The following WWOX variants were observed in gnomAD, a reference collection of about 807,000 sequenced individuals.
WWOX encodes the protein WW domain-containing oxidoreductase.
In WWOX, 69 loss-of-function variants were observed where a neutral mutation model predicts 46.2. The ratio of observed to expected loss-of-function variants is 1.49; its 90% CI spans 1.23 to 1.82. WWOX has a LOEUF of 1.82. Ranked by LOEUF, WWOX falls within the 40% of genes most tolerant of loss-of-function variation. The probability of loss-of-function intolerance (pLI) is 0.00; values close to 1 mark genes in which losing one functional copy is unlikely to be tolerated. For synonymous variants in WWOX, 359 were observed against 202.6 expected (o/e 1.77, Z -6.56); for missense variants, 919 against 542.6 (o/e 1.69, Z -6.89).
intron 8 of WWOX, among the ~76,000 whole-genome samples, chr16:79,104,234 T>C (rs1303876721): frequency 6.6e-6 from 1 of 152,160 alleles, no homozygotes; most frequent in Non-Finnish European, 1.5e-5. Flanking sequence ...TGTGGTAACA[T>C]AGGGTTGCCT....
intron 8 of WWOX, among the ~76,000 whole-genome samples, chr16:78,794,846 C>T (rs1193891625): frequency 6.6e-6 from 1 of 152,224 alleles, no homozygotes; most frequent in Non-Finnish European, 1.5e-5. Flanking sequence ...CCAACTGTGG[C>T]TGCTGACACC....
chr16:78,803,599 C>A (rs1015539610), intron 8 of WWOX, among the ~76,000 whole-genome samples: 1 of 152,054 alleles, frequency 6.6e-6, no homozygotes, highest in Non-Finnish European at 1.5e-5. Context: ...AGGCATATAC[C>A]ACCATACCTG....
intron 5 of WWOX, among the ~76,000 whole-genome samples, chr16:78,241,420 G>GT (rs1254882009): frequency 2.0e-5 from 3 of 151,762 alleles, no homozygotes; most frequent in Non-Finnish European, 2.9e-5. Context: ...GTTGCTATTT[G>GT]TTTTTTTGGT....
chr16:78,205,764 C>T (rs2036369453), intron 5 of WWOX, among the ~76,000 whole-genome samples: 1 of 152,028 alleles, frequency 6.6e-6, no homozygotes, highest in African/African-American at 2.4e-5. Context: ...TTCATCTACC[C>T]ACCCCACCCA....
At chr16:78,968,855 C>T (rs1362934630) in intron 8 of WWOX, among the ~76,000 whole-genome samples, 1 of 151,816 alleles carries the variant, frequency 6.6e-6, no homozygotes, top group African/African-American at 2.4e-5. Flanking sequence ...GCAGTATTAC[C>T]ATAAGAAGGG....
chr16:78,610,329 A>G (rs1165833369), intron 8 of WWOX, among the ~76,000 whole-genome samples: 1 of 152,176 alleles, frequency 6.6e-6, no homozygotes, highest in East Asian at 1.9e-4. Flanking sequence ...TAGAGGGGGA[A>G]AAAAAGATTC....
At chr16:78,596,553 A>C (rs1392869316) in intron 8 of WWOX, among the ~76,000 whole-genome samples, 1 of 152,134 alleles carries the variant, frequency 6.6e-6, no homozygotes, top group Non-Finnish European at 1.5e-5. Flanking sequence ...GGGGTGTTCC[A>C]AGACTGGGGA....
chr16:78,451,232 C>T (rs760372824), intron 8 of WWOX, among the ~76,000 whole-genome samples: 5 of 152,098 alleles, frequency 3.3e-5, no homozygotes, highest in African/African-American at 4.8e-5. Flanking sequence ...GGGATGGGTC[C>T]TCATGTTAGT....
chr16:79,131,281 G>A (rs1170936309), intron 8 of WWOX, among the ~76,000 whole-genome samples: 1 of 152,074 alleles, frequency 6.6e-6, no homozygotes, highest in African/African-American at 2.4e-5. Context: ...AGAAGAAGCT[G>A]TACTCCCAAG....
At position 78,605,253 on chromosome 16, in the gene WWOX, G is replaced by A. The variant is rs565389122; in HGVS notation, c.1056+172501G>A. Among the ~76,000 whole-genome samples the A allele has an allele frequency of 1.6e-3, 246 of 150,986 alleles. 4 individuals carry two copies. Among genetic ancestry groups the A allele is most frequent in the Non-Finnish European group, 2.4e-3 (162 of 67,820 alleles). On this transcript the variant is annotated intron_variant, in intron 8 of 8. Transcript: ENST00000566780. ...TCCCCATAATTTTTTCATTGTTAGC[G>A]TTGTCTCTCCAGCCTCCTGCTTCCT...
intron 5 of WWOX, among the ~76,000 whole-genome samples, chr16:78,379,521 A>G (rs528405041): frequency 1.3e-5 from 2 of 152,304 alleles, no homozygotes; most frequent in South Asian, 4.1e-4. Flanking sequence ...ACACAGCATA[A>G]CAAAGAGCTG....
chr16:78,174,527 T>C lies in WWOX; in HGVS notation c.516+10238T>C, dbSNP rs577013187. 2.6e-5 allele frequency among the ~76,000 whole-genome samples: 4 copies of C among 152,330 alleles called. No individual in the cohort carries two copies. The East Asian group carries it at 5.8e-4, about 22-fold the overall frequency. On this transcript the variant is annotated intron_variant, in intron 5 of 8. Coordinates refer to ENST00000566780, the MANE Select transcript of WWOX (RefSeq NM_016373.4). ...CTACCCCAGCCCTCCAAAATTCATG[T>C]TCTTCTGACATGCTAAATACATTTA...
chr16:78,891,488 A>G (rs992265477), intron 8 of WWOX: 11 of 152,154 alleles, frequency 7.2e-5, no homozygotes, highest in African/African-American at 2.7e-4. Flanking sequence ...ATCAATAGCA[A>G]TATGATTACA....
At chr16:78,593,208 T>C (rs1016082348) in intron 8 of WWOX, among the ~76,000 whole-genome samples, 20 of 44,346 alleles carry the variant, frequency 4.5e-4, no homozygotes, top group African/African-American at 7.0e-4. Context: ...TTGATCCTGA[T>C]TTTTTTTTTA....
chr16:78,232,987 G>A (rs757888424), intron 5 of WWOX, among the ~76,000 whole-genome samples: 15 of 152,054 alleles, frequency 9.9e-5, no homozygotes, highest in East Asian at 3.9e-4. Context: ...GACTACAGGC[G>A]TGCGCCACCA....
intron 8 of WWOX, among the ~76,000 whole-genome samples, chr16:78,689,184 A>G (rs950187272): frequency 8.5e-5 from 13 of 152,196 alleles, no homozygotes; most frequent in African/African-American, 3.1e-4. Flanking sequence ...CCAACAAAGA[A>G]TGATTCAGCC....
chr16:78,327,381 A>G (rs1201201259), intron 5 of WWOX, among the ~76,000 whole-genome samples: 1 of 152,104 alleles, frequency 6.6e-6, no homozygotes, highest in Non-Finnish European at 1.5e-5. Context: ...GTACCTCCCC[A>G]GTTATGAATC....
At chr16:78,376,341 GT>G (rs2081825340) in intron 5 of WWOX, among the ~76,000 whole-genome samples, 2 of 152,144 alleles carry the variant, frequency 1.3e-5, no homozygotes, top group Non-Finnish European at 2.9e-5. Context: ...ACAATACTAT[GT>G]TTTTAGGAAA....
chr16:79,024,725 AT>A (rs1475164465), intron 8 of WWOX, among the ~76,000 whole-genome samples: 1 of 151,906 alleles, frequency 6.6e-6, no homozygotes, highest in Admixed American at 6.6e-5. Flanking sequence ...ATGAGCCACC[AT>A]GCCTGGCCCT....
Sources: gnomAD v4.1 joint callset for allele counts (sites outside exome capture counted in the v4.1 genomes callset) on GRCh38, gnomAD v4.1.1 for gene constraint, MANE v1.5 for transcripts, NCBI Gene and HGNC (gene_info 2026-07-23, HGNC 2026-07-21) for gene names.